The following ARIH1 variants were observed in gnomAD, a reference collection of about 807,000 sequenced individuals.
ARIH1 encodes the protein E3 ubiquitin-protein ligase ARIH1.
ARIH1 carries 8 observed loss-of-function variants against 85.0 expected under a neutral mutation model. The ratio of observed to expected loss-of-function variants is 0.09; its 90% CI spans 0.06 to 0.17. The LOEUF is 0.17. Ranked by LOEUF, ARIH1 falls within the 10% of genes least tolerant of loss-of-function variation. The pLI, the probability that ARIH1 is intolerant of heterozygous loss-of-function variation, is 1.00. For missense variants in ARIH1, 311 were observed against 718.1 expected (o/e 0.43, Z 6.48); for synonymous variants, 238 against 253.6 (o/e 0.94, Z 0.59).
chr15:72,499,478 AGTTATAT>A (rs1287585828), intron 1 of ARIH1, among the ~76,000 whole-genome samples: 1 of 152,158 alleles, frequency 6.6e-6, no homozygotes, highest in Non-Finnish European at 1.5e-5. Context: ...TGCCAGCTAT[AGTTATAT>A]GTTATCAAAA....
rs915035231 is a variant in ARIH1, at chr15:72,597,622, G to T, written c.*14330G>T. Reference sequence around the variant, plus strand: ...CTGCCTCCCCTTTCATTTTTAAAGGGTATTTTGCCCTTGGGAGAAGTCAAG... The same window carrying T: ...CTGCCTCCCCTTTCATTTTTAAAGGTTATTTTGCCCTTGGGAGAAGTCAAG... On this transcript the variant is annotated 3_prime_UTR_variant, in exon 14 of 14. Transcript: ENST00000379887. 6.6e-6 allele frequency: 1 copy of T among 152,046 alleles called. No homozygotes were observed. Among genetic ancestry groups the T allele is most frequent in the Non-Finnish European group, 1.5e-5 (1 of 68,014 alleles). 9.4% of individuals were successfully genotyped at this position (152,046 alleles called of 1,614,324 possible). A position where few individuals can be genotyped will look rare whatever the true frequency, so the allele number is the denominator to read the frequency against.
chr15:72,495,096 T>C (rs1171361613), intron 1 of ARIH1, among the ~76,000 whole-genome samples: 2 of 152,166 alleles, frequency 1.3e-5, no homozygotes, highest in Non-Finnish European at 2.9e-5. Flanking sequence ...CTTGTCGGCC[T>C]AAGTGGCAAA....
intron 1 of ARIH1, among the ~76,000 whole-genome samples, chr15:72,507,649 CATAGCAAGATCCTGTCTTT>C (rs1282050256): frequency 6.6e-6 from 1 of 152,068 alleles, no homozygotes; most frequent in Non-Finnish European, 1.5e-5. Context: ...GCCTGGGCAA[CATAGCAAGATCCTGTCTTT>C]AAATAAAAAT....
intron 11 of ARIH1, among the ~76,000 whole-genome samples, chr15:72,573,646 A>T (rs1333854729): frequency 6.6e-6 from 1 of 152,052 alleles, no homozygotes. Context: ...GGGTCCATTT[A>T]AGGGGAAAAA....
chr15:72,547,991 T>C lies in ARIH1; in HGVS notation c.588+3027T>C, dbSNP rs1049664938. 7.2e-5 allele frequency among the ~76,000 whole-genome samples: 11 copies of C among 152,374 alleles called. No homozygotes were observed. In the East Asian group the frequency reaches 2.1e-3, roughly 29 times the overall value. On this transcript the variant is annotated intron_variant, in intron 3 of 13. Coordinates refer to ENST00000379887, the MANE Select transcript of ARIH1 (RefSeq NM_005744.5). Reference sequence around the variant, plus strand: ...AGATTTACAGTGTAAATTTTTGTTTTGTACTTGTAACTGATGATGGAGAAA... The same window carrying C: ...AGATTTACAGTGTAAATTTTTGTTTCGTACTTGTAACTGATGATGGAGAAA...
chr15:72,491,221 T>C (rs2063858052), intron 1 of ARIH1, among the ~76,000 whole-genome samples: 1 of 152,226 alleles, frequency 6.6e-6, no homozygotes, highest in Non-Finnish European at 1.5e-5. Context: ...TGCTTATTCG[T>C]ATTATAGCAT....
intron 11 of ARIH1, among the ~76,000 whole-genome samples, chr15:72,575,390 C>A (rs144050229): frequency 9.3e-4 from 141 of 151,658 alleles, no homozygotes; most frequent in African/African-American, 3.2e-3. Context: ...GACTGGGCAA[C>A]AACTGAGACC....
rs1475415304 is a variant in ARIH1, at chr15:72,593,292, C to CTATGATTTT, written c.*10001_*10002insATGATTTTT. The CTATGATTTT allele has an allele frequency of 1.3e-5, 2 of 151,926 alleles. No homozygotes were observed. 9.4% of individuals were successfully genotyped at this position (151,926 alleles called of 1,614,324 possible). A position where few individuals can be genotyped will look rare whatever the true frequency, so the allele number is the denominator to read the frequency against. On this transcript the variant is annotated 3_prime_UTR_variant, in exon 14 of 14. Transcript: ENST00000379887. ...ATTCTTTGTATTTTGAATATAAATCCTTTGATAGATATGCTATGATTTTTT... is the reference window on the plus strand; with the variant it reads ...ATTCTTTGTATTTTGAATATAAATCCTATGATTTTTTTGATAGATATGCTATGATTTTTT...
chr15:72,576,297 A>C (rs931217151), intron 11 of ARIH1, among the ~76,000 whole-genome samples: 1 of 152,028 alleles, frequency 6.6e-6, no homozygotes, highest in Non-Finnish European at 1.5e-5. Flanking sequence ...CAAGGTCAGG[A>C]GATGGAGACC....
intron 3 of ARIH1, among the ~76,000 whole-genome samples, chr15:72,546,804 G>A (rs1379463359): frequency 2.0e-5 from 3 of 151,916 alleles, no homozygotes; most frequent in African/African-American, 7.3e-5. Flanking sequence ...GCCCAGGCTG[G>A]TCTGGAACTT....
At chr15:72,509,834 C>A (rs1394208486) in intron 1 of ARIH1, among the ~76,000 whole-genome samples, 1 of 152,032 alleles carries the variant, frequency 6.6e-6, no homozygotes, top group African/African-American at 2.4e-5. Flanking sequence ...AAGCAGTCCT[C>A]CCGCCTTGGC....
rs2064298298 is a variant in ARIH1, at chr15:72,582,336, A to G, written c.1589+149A>G. 5.0e-6 allele frequency: 3 copies of G among 601,452 alleles called. No individual in the cohort carries two copies. Among genetic ancestry groups the G allele is most frequent in the Non-Finnish European group, 9.0e-6 (3 of 334,938 alleles). The allele number at this position is 601,452 out of a possible 1,614,324, so 37.3% of individuals were successfully genotyped here. A position where few individuals can be genotyped will look rare whatever the true frequency, so the allele number is the denominator to read the frequency against. On this transcript the variant is annotated intron_variant, in intron 13 of 13. Coordinates refer to ENST00000379887, the MANE Select transcript of ARIH1 (RefSeq NM_005744.5). The surrounding 1 kb of genome is among the most constrained non-coding windows in gnomAD (Gnocchi z 4.6). ...AGATTGCTTCTGTCCGTTGGGCACT[A>G]AATTGCAGGTAATAGTATTGGTGAA...
At chr15:72,478,328 G>C (rs890806153) in intron 1 of ARIH1, among the ~76,000 whole-genome samples, 1 of 151,928 alleles carries the variant, frequency 6.6e-6, no homozygotes, top group South Asian at 2.1e-4. Context: ...TGTTGGCCAG[G>C]CTGGTCTTGA....
intron 1 of ARIH1, among the ~76,000 whole-genome samples, chr15:72,483,152 G>A (rs771033989): frequency 4.6e-5 from 7 of 152,072 alleles, no homozygotes; most frequent in Non-Finnish European, 7.4e-5. Context: ...ATGAGCCACC[G>A]TGTCTGGCCT....
At chr15:72,475,273 T>G (rs569393062) in intron 1 of ARIH1, 62 of 664,700 alleles carry the variant, frequency 9.3e-5, no homozygotes, top group South Asian at 8.0e-4. Flanking sequence ...CGCCTAAGCC[T>G]TCTCTTGCGG....
intron 2 of ARIH1, among the ~76,000 whole-genome samples, chr15:72,524,874 C>T (rs1392550660): frequency 2.0e-5 from 3 of 152,036 alleles, no homozygotes; most frequent in African/African-American, 7.2e-5. Context: ...ATCAACGACT[C>T]TTAGTAGGAT....
chr15:72,599,707 A>AT lies in ARIH1; in HGVS notation c.*16419dup, dbSNP rs1449994013. On this transcript the variant is annotated 3_prime_UTR_variant, in exon 14 of 14. Coordinates refer to ENST00000379887, the MANE Select transcript of ARIH1 (RefSeq NM_005744.5). ...TACACTTTATTTGTTTTATGTAACT[A>AT]TTTTAACAACCTGAGGACTTTTACA... 7.9e-5 allele frequency: 12 copies of AT among 152,158 alleles called. No homozygotes were observed. The highest frequency in any genetic ancestry group is 2.9e-4 in the African/African-American group (12 of 41,430). The allele number at this position is 152,158 out of a possible 1,614,324, so 9.4% of individuals were successfully genotyped here.
At chr15:72,534,743 C>T (rs185547926) in intron 2 of ARIH1, among the ~76,000 whole-genome samples, 8 of 152,184 alleles carry the variant, frequency 5.3e-5, no homozygotes, top group Admixed American at 4.6e-4. Context: ...GTTTGAAAAC[C>T]TTGTGTACAT....
intron 5 of ARIH1, among the ~76,000 whole-genome samples, chr15:72,558,397 GTTC>G (rs2064183796): frequency 6.6e-6 from 1 of 152,140 alleles, no homozygotes; most frequent in African/African-American, 2.4e-5. Context: ...TGCCTCCCGG[GTTC>G]AAGCAATTCT....
Sources: allele counts gnomAD v4.1 joint callset (sites outside exome capture counted in the v4.1 genomes callset), GRCh38; gene constraint gnomAD v4.1.1; non-coding constraint Gnocchi (gnomAD v3.1); transcripts MANE v1.5; gene names NCBI Gene and HGNC (gene_info 2026-07-23, HGNC 2026-07-21).